The following MEIS1 variants were observed in gnomAD, a reference collection of about 807,000 sequenced individuals.
The protein encoded by MEIS1 is homeobox protein Meis1.
A neutral mutation model predicts 50.8 loss-of-function variants in MEIS1; 5 were observed. The ratio of observed to expected loss-of-function variants is 0.10; its 90% CI spans 0.05 to 0.21. MEIS1 has a LOEUF of 0.21. MEIS1 is among the 10% of genes least tolerant of loss of function. The pLI is 1.00. For synonymous variants in MEIS1, 176 were observed against 179.3 expected, an observed-to-expected ratio of 0.98 and a Z score of 0.15; for missense variants, 318 against 517.3, an observed-to-expected ratio of 0.61 and a Z score of 3.74.
At chr2:66,492,156 T>C (rs902023873) in intron 7 of MEIS1, among the ~76,000 whole-genome samples, 1 of 150,904 alleles carries the variant, frequency 6.6e-6, no homozygotes, top group Non-Finnish European at 1.5e-5. Flanking sequence ...GGTTCCTCTA[T>C]TACATGCATA....
At chr2:66,457,678 A>G (rs2103729104) in intron 6 of MEIS1, among the ~76,000 whole-genome samples, 1 of 152,246 alleles carries the variant, frequency 6.6e-6, no homozygotes, top group East Asian at 1.9e-4. Context: ...AGCCGGGCTA[A>G]TTAGATGCAC....
At chr2:66,505,310 G>A (rs578033269) in intron 7 of MEIS1, among the ~76,000 whole-genome samples, 1 of 152,278 alleles carries the variant, frequency 6.6e-6, no homozygotes, top group East Asian at 1.9e-4. Context: ...AGAGGCTGAG[G>A]CCTGAAGATC....
intron 7 of MEIS1, among the ~76,000 whole-genome samples, chr2:66,505,022 GATAAACTTGGATCATTACCTATTTGT>G (rs1313593794): frequency 6.6e-6 from 1 of 152,168 alleles, no homozygotes; most frequent in Non-Finnish European, 1.5e-5. Context: ...CCTAATTAAA[GATAAACTTGGATCATTACCTATTTGT>G]ATATTGGCTG....
intron 7 of MEIS1, among the ~76,000 whole-genome samples, chr2:66,470,711 C>T (rs990160901): frequency 3.2e-4 from 49 of 152,010 alleles, no homozygotes; most frequent in African/African-American, 1.1e-3. Context: ...CTTAAACAAC[C>T]GAAAAGTGCA....
intron 9 of MEIS1, among the ~76,000 whole-genome samples, chr2:66,559,123 C>CAGAGAG (rs58790798): frequency 0.2 from 29,465 of 147,900 alleles, 3,185 homozygotes; most frequent in East Asian, 0.25. Flanking sequence ...GCCTGGGTGA[C>CAGAGAG]AGAGAGAGAG....
intron 7 of MEIS1, among the ~76,000 whole-genome samples, chr2:66,473,397 A>AAAAAAAAAAAAAAAAAAATAT: frequency 9.3e-6 from 1 of 107,614 alleles, no homozygotes; most frequent in African/African-American, 5.8e-5. Context: ...AAAAAAAAAA[A>AAAAAAAAAAAAAAAAAAATAT]ATATATATAT....
intron 7 of MEIS1, among the ~76,000 whole-genome samples, chr2:66,495,428 A>C (rs1673377703): frequency 6.6e-6 from 1 of 152,054 alleles, no homozygotes; most frequent in Non-Finnish European, 1.5e-5. Context: ...AGCTATCTCC[A>C]TTACAGGAGG....
chr2:66,473,397 A>AAAAAAAAATATATATATAT, intron 7 of MEIS1, among the ~76,000 whole-genome samples: 16 of 107,554 alleles, frequency 1.5e-4, no homozygotes, highest in African/African-American at 9.3e-4. Flanking sequence ...AAAAAAAAAA[A>AAAAAAAAATATATATATAT]ATATATATAT....
At chr2:66,493,785 C>A (rs1429391425) in intron 7 of MEIS1, among the ~76,000 whole-genome samples, 1 of 152,076 alleles carries the variant, frequency 6.6e-6, no homozygotes, top group Non-Finnish European at 1.5e-5. Context: ...AATGTACTTT[C>A]TAATAAATAA....
intron 7 of MEIS1, among the ~76,000 whole-genome samples, chr2:66,507,525 T>C (rs1673711692): frequency 6.6e-6 from 1 of 152,198 alleles, no homozygotes; most frequent in African/African-American, 2.4e-5. Context: ...GAAAACCTAT[T>C]TTATTTTTAC....
chr2:66,553,685 CT>C (rs980995768), intron 9 of MEIS1, among the ~76,000 whole-genome samples: 10 of 151,654 alleles, frequency 6.6e-5, no homozygotes, highest in Middle Eastern at 3.4e-3. Context: ...AGAGACACTG[CT>C]TTTTTTTTCC....
In MEIS1 at chr2:66,519,490, C is replaced by T. The variant is rs377603969; in HGVS notation, c.888+7196C>T. On this transcript the variant is annotated intron_variant, in intron 8 of 12. Coordinates refer to ENST00000272369, the MANE Select transcript of MEIS1 (RefSeq NM_002398.3). ...TCAGTGTGTCAAGAGCCAGAGAGTG[C>T]GCTCAAGAACTCAGATAAGGCATCT... Among the ~76,000 whole-genome samples the T allele has an allele frequency of 6.6e-4, 100 of 151,908 alleles. 1 individual carries two copies. The highest frequency in any genetic ancestry group is 9.7e-4 in the African/African-American group (40 of 41,436).
At position 66,543,499 on chromosome 2, in the gene MEIS1, TTC is replaced by T. The variant is rs1236650158; in HGVS notation, c.889-4438_889-4437del. On this transcript the variant is annotated intron_variant, in intron 8 of 12. Transcript: ENST00000272369. Reference sequence around the variant, plus strand: ...AGTTTCCCTTTGAGGCCAGCATCTCTTCTCTCTGCAGCCAAACCAGCCTAATA... The same window carrying T: ...AGTTTCCCTTTGAGGCCAGCATCTCTTCTCTGCAGCCAAACCAGCCTAATA... Among the ~76,000 whole-genome samples the T allele has an allele frequency of 2.0e-5, 3 of 152,308 alleles. No individual in the cohort carries two copies. The East Asian group carries it at 5.8e-4, about 29-fold the overall frequency.
At chr2:66,543,863 G>A (rs1054729529) in intron 8 of MEIS1, among the ~76,000 whole-genome samples, 1 of 152,178 alleles carries the variant, frequency 6.6e-6, no homozygotes, top group East Asian at 1.9e-4. Flanking sequence ...CAACAAAGGC[G>A]AGGTCTCCCT....
chr2:66,446,842 C>G (rs1672163643), intron 6 of MEIS1, among the ~76,000 whole-genome samples: 1 of 152,262 alleles, frequency 6.6e-6, no homozygotes, highest in Non-Finnish European at 1.5e-5. Flanking sequence ...CCTCTGGGAT[C>G]TGGGGCAGGC....
chr2:66,475,209 A>AATAAATATGTATTAATTTT (rs201184412), intron 7 of MEIS1, among the ~76,000 whole-genome samples: 1 of 145,968 alleles, frequency 6.9e-6, no homozygotes, highest in African/African-American at 2.5e-5. Context: ...CACCTATATA[A>AATAAATATGTATTAATTTT]ATAAATATGT....
chr2:66,560,833 G>A (rs1168208148), intron 9 of MEIS1, among the ~76,000 whole-genome samples: 1 of 152,020 alleles, frequency 6.6e-6, no homozygotes, highest in East Asian at 1.9e-4. Flanking sequence ...TCCTCCTGCC[G>A]CTGTTCTCTA....
chr2:66,562,038 A>ATTTTTTTTTTTTTATTT (rs1675226035), intron 9 of MEIS1: 1 of 61,274 alleles, frequency 1.6e-5, no homozygotes, highest in Non-Finnish European at 2.8e-5. Context: ...TGAGCAAGTA[A>ATTTTTTTTTTTTTATTT]TTTTTTTTTT....
intron 12 of MEIS1, chr2:66,569,367 T>C (rs1172263815): frequency 6.0e-6 from 2 of 331,070 alleles, no homozygotes; most frequent in Non-Finnish European, 5.5e-6. Context: ...TATTGTACAG[T>C]ACTGACCACA....
Sources: gnomAD v4.1 joint callset for allele counts (sites outside exome capture counted in the v4.1 genomes callset) on GRCh38, gnomAD v4.1.1 for gene constraint, MANE v1.5 for transcripts, NCBI Gene and HGNC (gene_info 2026-07-23, HGNC 2026-07-21) for gene names.